ERMARD: variants seen among roughly 807,000 people sequenced by gnomAD.
ERMARD encodes ER membrane associated RNA degradation, also known as endoplasmic reticulum membrane-associated RNA degradation protein.
Under a neutral mutation model 83.9 loss-of-function variants are expected in ERMARD, and 71 were observed. The observed-to-expected ratio is 0.85, with a 90% CI of 0.70 to 1.03. The LOEUF (loss-of-function observed/expected upper bound fraction) is 1.03. Among genes scored for constraint, ERMARD ranks in the 50% least tolerant of loss-of-function variants. ERMARD has a pLI of 0.00. For missense variants in ERMARD, 838 were observed against 810.9 expected (o/e 1.03, Z -0.41); for synonymous variants, 284 against 298.6 (o/e 0.95, Z 0.50).
At position 169,775,320 on chromosome 6, in the gene ERMARD, C is replaced by T. The variant is rs547356791; in HGVS notation, c.1368C>T (p.Pro456=). 19 of 1,614,050 alleles carry T rather than the reference C, an allele frequency of 1.2e-5. No individual in the cohort carries two copies. Among genetic ancestry groups the T allele is most frequent in the Middle Eastern group, 1.6e-4 (1 of 6,074 alleles). Residue 456 remains proline, a synonymous_variant, in exon 14 of 18, where the codon CCC becomes CCT. Transcript: ENST00000366773. ...GGGTTTGGGCTCTGCTGCCTTTCCC[C>T]GAAGAACTCACTCGGCAAGCCGTCA... is the stretch of plus-strand genomic sequence containing the variant. ...SIRVWALLPF[P]EELTRQAVRL...
intron 16 of ERMARD, 68 bp from the exon 17 acceptor site, chr6:169,779,114 T>G (rs1793916830): frequency 6.7e-6 from 9 of 1,348,204 alleles, no homozygotes; most frequent in Admixed American, 1.7e-5. Flanking sequence ...GTGAAACATC[T>G]TTTTCCTGAT....
intron 1 of ERMARD, chr6:169,751,868 C>CAGGGA: frequency 1.4e-6 from 1 of 704,134 alleles, no homozygotes; most frequent in Non-Finnish European, 2.1e-6. Context: ...CTGGCGGGCC[C>CAGGGA]TGCCGGCCTC....
At chr6:169,763,664 C>G (rs1324299558) in intron 9 of ERMARD, among the ~76,000 whole-genome samples, 1 of 152,258 alleles carries the variant, frequency 6.6e-6, no homozygotes, top group African/African-American at 2.4e-5. Flanking sequence ...AGGCATTCCT[C>G]AATGCTCTGC....
At chr6:169,755,497 T>C in intron 3 of ERMARD, 75 bp downstream of exon 3, 1 of 1,561,066 alleles carries the variant, frequency 6.4e-7, no homozygotes, top group Non-Finnish European at 8.7e-7. Flanking sequence ...TTTGCCAATT[T>C]TAAAGGGGCC....
chr6:169,774,238 G>A (rs1256537235), intron 13 of ERMARD, among the ~76,000 whole-genome samples: 2 of 152,208 alleles, frequency 1.3e-5, no homozygotes, highest in Admixed American at 6.5e-5. Context: ...CCTTGAGAAT[G>A]CCTTAAGGAA....
rs150941632 is a variant in ERMARD at position 169,760,652 on chromosome 6, T to C, written c.753T>C (p.Tyr251=). The stretch of plus-strand genomic sequence containing the variant: ...TGTGTTATTTTACAGATGTTACTTA[T>C]GAGGTGCTTTCAGTATTAGAAGAAG... ...EDLIVFPDVT[Y]EVLSVLEEVM... is the part of the protein sequence containing the mutation. Residue 251 remains tyrosine, a synonymous_variant, in exon 8 of 18, where the codon TAT becomes TAC. Coordinates refer to ENST00000366773, the MANE Select transcript of ERMARD (RefSeq NM_018341.3). 1.2e-4 allele frequency: 186 copies of C among 1,598,292 alleles called. No individual in the cohort carries two copies. Among genetic ancestry groups the C allele is most frequent in the Non-Finnish European group, 1.5e-4 (170 of 1,166,250 alleles).
chr6:169,774,280 A>G (rs564813764), intron 13 of ERMARD, among the ~76,000 whole-genome samples: 4 of 152,202 alleles, frequency 2.6e-5, no homozygotes, highest in African/African-American at 4.8e-5. Flanking sequence ...TCAACAGTGA[A>G]GTTGGGAAAA....
Position 169,764,177 on chromosome 6 carries a change from GC to G in ERMARD, c.960+1649del, listed in dbSNP as rs201818693. Among the ~76,000 whole-genome samples, 1,428 of 151,950 alleles carry G rather than the reference GC, an allele frequency of 9.4e-3. 17 individuals carry two copies. The highest frequency in any genetic ancestry group is 0.032 in the African/African-American group (1,330 of 41,418). ...GAGAAGCCCCCCGCCTGGCTCCTCG[GC>G]CCACCCGAGCTCATCTCACGATTCT... On this transcript the variant is annotated intron_variant, in intron 9 of 17. Coordinates refer to ENST00000366773, the MANE Select transcript of ERMARD (RefSeq NM_018341.3).
At chr6:169,751,783 C>T (rs1790133814) in intron 1 of ERMARD, 120 bp downstream of exon 1, 28 of 1,374,282 alleles carry the variant, frequency 2.0e-5, no homozygotes, top group Non-Finnish European at 2.7e-5. Context: ...GCCGGCGGTC[C>T]CGCGCTGGAG....
Position 169,781,541 on chromosome 6 carries a change from T to C in ERMARD, c.*28T>C. 6.5e-7 allele frequency: 1 copy of C among 1,542,678 alleles called. No homozygotes were observed. On this transcript the variant is annotated 3_prime_UTR_variant, in exon 18 of 18. Coordinates refer to ENST00000366773, the MANE Select transcript of ERMARD (RefSeq NM_018341.3). ...ACTTGTAAGTCAGGATGCTTTTAAT[T>C]TTAACAGATTTTAACAGCGTGTAAA...
At position 169,762,480 on chromosome 6, in the gene ERMARD, G is replaced by A; in HGVS notation, c.909G>A (p.Arg303=). The stretch of plus-strand genomic sequence containing the variant: ...TGACACAACTGGAGACTGGACTTAG[G>A]AATGTTTTTGCCACACTTAACAGAT... ...LLLTQLETGL[R]NVFATLNRCP... Residue 303 remains arginine, a synonymous_variant, in exon 9 of 18, where the codon AGG becomes AGA. Transcript: ENST00000366773. 6.2e-7 allele frequency: 1 copy of A among 1,614,174 alleles called. No homozygotes were observed.
In ERMARD at chr6:169,756,425, C is replaced by T. The variant is rs973561644; in HGVS notation, c.403C>T (p.Arg135Ter). 6 of 1,609,576 alleles carry T rather than the reference C, an allele frequency of 3.7e-6. No homozygotes were observed. Among genetic ancestry groups the T allele is most frequent in the Middle Eastern group, 1.6e-4 (1 of 6,070 alleles). Reference protein sequence around the residue: ...SLMKLTSCLERALGDVFLLIG... With the variant: ...SLMKLTSCLE ...AATGAAACTGACATCGTGTCTAGAA[C>T]GAGCCTTGGGTGATGTAAGTGTGAG... The change falls in exon 4 of 18, where the codon CGA (arginine) becomes TGA (stop). Residue 135 changes from arginine (R) to a stop codon, truncating the protein, a stop_gained. Coordinates refer to ENST00000366773, the MANE Select transcript of ERMARD (RefSeq NM_018341.3). LOFTEE classifies it high-confidence loss of function.
intron 16 of ERMARD, 98 bp from the exon 17 acceptor site, chr6:169,779,084 G>A: frequency 9.6e-7 from 1 of 1,038,148 alleles, no homozygotes; most frequent in Non-Finnish European, 1.5e-6. Context: ...GAGAAGTTGG[G>A]ACTTAAGGAT....
At position 169,757,651 on chromosome 6, in the gene ERMARD, T is replaced by C. The variant is rs1790985643; in HGVS notation, c.507+843T>C. Among the ~76,000 whole-genome samples, 3 of 152,286 alleles carry C rather than the reference T, an allele frequency of 2.0e-5. No individual in the cohort carries two copies. In the South Asian group the frequency reaches 6.2e-4, roughly 32 times the overall value. On this transcript the variant is annotated intron_variant, in intron 5 of 17. Transcript: ENST00000366773. ...CTAATGAATAACCTTAGGCAGCTGA[T>C]TGAGGCAGGGTCAAGATGGAGAAAC...
At position 169,762,612 on chromosome 6, in the gene ERMARD, T is replaced by A. The variant is rs182647033; in HGVS notation, c.960+81T>A. On this transcript the variant is annotated intron_variant, in intron 9 of 17. Coordinates refer to ENST00000366773, the MANE Select transcript of ERMARD (RefSeq NM_018341.3). ...GTTACCAATTAAAAGTTTTTAAAAA[T>A]GTTATTCTGTTTCACATTAAAATGA... 6 of 1,184,780 alleles carry A rather than the reference T, an allele frequency of 5.1e-6. No homozygotes were observed. The East Asian group carries it at 1.4e-4, about 28-fold the overall frequency. 73.4% of individuals were successfully genotyped at this position (1,184,780 alleles called of 1,614,324 possible).
intron 17 of ERMARD, among the ~76,000 whole-genome samples, chr6:169,780,651 C>T (rs1198318796): frequency 6.6e-6 from 1 of 152,200 alleles, no homozygotes; most frequent in Non-Finnish European, 1.5e-5. Context: ...GGGCACGCTG[C>T]CCACCAGGCT....
chr6:169,754,241 A>G (rs1790511433), intron 2 of ERMARD, among the ~76,000 whole-genome samples: 1 of 152,178 alleles, frequency 6.6e-6, no homozygotes, highest in Non-Finnish European at 1.5e-5. Context: ...GGGCTAAGAA[A>G]ACCACCTCTA....
intron 1 of ERMARD, 74 bp from the exon 2 acceptor site, chr6:169,753,790 G>C (rs1307823412): frequency 3.4e-6 from 4 of 1,191,052 alleles, no homozygotes; most frequent in Non-Finnish European, 4.5e-6. Flanking sequence ...GTTCTTAAGA[G>C]ATGTGTCTGA....
intron 9 of ERMARD, among the ~76,000 whole-genome samples, chr6:169,764,078 T>G (rs990979261): frequency 2.6e-4 from 39 of 152,198 alleles, no homozygotes; most frequent in African/African-American, 8.9e-4. Flanking sequence ...CCCCAACACC[T>G]CCCGTGTCCA....
Sources: gnomAD v4.1 joint callset for allele counts (sites outside exome capture counted in the v4.1 genomes callset) on GRCh38, gnomAD v4.1.1 for gene constraint, MANE v1.5 for transcripts, NCBI Gene and HGNC (gene_info 2026-07-23, HGNC 2026-07-21) for gene names.